The following ELK3 variants were observed in gnomAD, a reference collection of about 807,000 sequenced individuals.
ELK3 encodes ETS transcription factor ELK3, also known as ETS domain-containing protein Elk-3.
Under a neutral mutation model 28.9 loss-of-function variants are expected in ELK3, and 10 were observed. The observed-to-expected ratio is 0.35, with a 90% CI of 0.21 to 0.59. The LOEUF (loss-of-function observed/expected upper bound fraction) is 0.59. Ranked by LOEUF, ELK3 falls within the 20% of genes least tolerant of loss-of-function variation. The probability of loss-of-function intolerance (pLI) is 0.82; values close to 1 mark genes in which losing one functional copy is unlikely to be tolerated. For synonymous variants in ELK3, 272 were observed against 243.5 expected, an observed-to-expected ratio of 1.12 and a Z score of -1.09; for missense variants, 463 against 517.3, an observed-to-expected ratio of 0.90 and a Z score of 1.02.
intron 1 of ELK3, among the ~76,000 whole-genome samples, chr12:96,196,342 G>A (rs1229674575): frequency 6.6e-6 from 1 of 151,968 alleles, no homozygotes; most frequent in Non-Finnish European, 1.5e-5. Flanking sequence ...TTTCCCGCGT[G>A]TGTATGTGTG....
chr12:96,260,262 C>T (rs1163649410), intron 4 of ELK3, among the ~76,000 whole-genome samples: 4 of 151,956 alleles, frequency 2.6e-5, no homozygotes, highest in Admixed American at 2.6e-4. Flanking sequence ...CTGGGCAACA[C>T]AGCAAGACCC....
rs1951862768 is a variant in ELK3 at position 96,247,136 on chromosome 12, A to G, written c.404A>G (p.Asn135Ser). ...GCCGCCCTCAGAAGCACGAGCCGCAACGAATACATCCACTCAGGCCTGTAC... is the reference window on the plus strand; with the variant it reads ...GCCGCCCTCAGAAGCACGAGCCGCAGCGAATACATCCACTCAGGCCTGTAC... The part of the protein sequence containing the change: ...GLAALRSTSR[N>S]EYIHSGLYSS... Residue 135 changes from asparagine (N) to serine (S), a missense_variant, in exon 3 of 5, where the codon AAC becomes AGC. Coordinates refer to ENST00000228741, the MANE Select transcript of ELK3 (RefSeq NM_005230.4). The surrounding 1 kb of genome is among the most constrained non-coding windows in gnomAD (Gnocchi z 5.5). The G allele has an allele frequency of 3.1e-6, 5 of 1,613,912 alleles. No homozygotes were observed. Among genetic ancestry groups the G allele is most frequent in the East Asian group, 2.2e-5 (1 of 44,868 alleles).
At chr12:96,194,954 G>C (rs1329371484) in intron 1 of ELK3, among the ~76,000 whole-genome samples, 1 of 149,462 alleles carries the variant, frequency 6.7e-6, no homozygotes, top group Non-Finnish European at 1.5e-5. Context: ...CGGGCCCGGG[G>C]CTGCGGGGAC....
chr12:96,261,649 A>G (rs1345058964), intron 4 of ELK3, among the ~76,000 whole-genome samples: 5 of 152,118 alleles, frequency 3.3e-5, no homozygotes, highest in Non-Finnish European at 7.4e-5. Context: ...GTGGCCTCTC[A>G]TTTCTCTCCT....
chr12:96,245,242 T>A (rs1265827473), intron 2 of ELK3, among the ~76,000 whole-genome samples: 1 of 152,172 alleles, frequency 6.6e-6, no homozygotes, highest in Non-Finnish European at 1.5e-5. Flanking sequence ...GGCAAACACA[T>A]GTTTTTAGAA....
chr12:96,208,842 G>A (rs1416029617), intron 1 of ELK3, among the ~76,000 whole-genome samples: 1 of 152,216 alleles, frequency 6.6e-6, no homozygotes, highest in Non-Finnish European at 1.5e-5. Context: ...TGCAGATGTT[G>A]GAGGTCCCGG....
intron 1 of ELK3, among the ~76,000 whole-genome samples, chr12:96,206,854 G>T (rs1052005238): frequency 2.6e-5 from 4 of 152,122 alleles, no homozygotes; most frequent in Non-Finnish European, 2.9e-5. Context: ...AGATGCTTTT[G>T]GTGGTCTTTG....
chr12:96,224,592 G>A (rs970531289), intron 2 of ELK3, among the ~76,000 whole-genome samples: 2 of 152,158 alleles, frequency 1.3e-5, no homozygotes, highest in African/African-American at 2.4e-5. Context: ...ATAATATAGC[G>A]TAGTTGCCAA....
chr12:96,210,969 G>A (rs1019401408), intron 1 of ELK3, among the ~76,000 whole-genome samples: 2 of 152,194 alleles, frequency 1.3e-5, no homozygotes, highest in Non-Finnish European at 2.9e-5. Flanking sequence ...GGGCATATGC[G>A]CGTTGATTAA....
In ELK3 at chr12:96,200,335, A is replaced by C. The variant is rs541733484; in HGVS notation, c.-3+5630A>C. 2.1e-3 allele frequency among the ~76,000 whole-genome samples: 316 copies of C among 152,268 alleles called. 3 individuals carry two copies. The highest frequency in any genetic ancestry group is 7.1e-3 in the African/African-American group (297 of 41,554). On this transcript the variant is annotated intron_variant, in intron 1 of 4. Transcript: ENST00000228741. ...ATGAAGCTAGGGCTCCTGTACTCCA[A>C]GCAATAGAGTAAAGAAAACGAGGCT...
intron 4 of ELK3, among the ~76,000 whole-genome samples, chr12:96,266,398 C>T (rs1355159086): frequency 1.3e-5 from 2 of 152,130 alleles, no homozygotes; most frequent in East Asian, 3.9e-4. Context: ...GGGATTGCAA[C>T]TAACATATTT....
chr12:96,200,721 G>T (rs1189611011), intron 1 of ELK3, among the ~76,000 whole-genome samples: 3 of 152,122 alleles, frequency 2.0e-5, no homozygotes, highest in Non-Finnish European at 4.4e-5. Flanking sequence ...GGAGTGCAGT[G>T]GTGCAAGCTT....
chr12:96,259,718 C>T lies in ELK3; in HGVS notation c.1003-13C>T. 1 of 1,606,456 alleles carries T rather than the reference C, an allele frequency of 6.2e-7. No homozygotes were observed. The highest frequency in any genetic ancestry group is 8.5e-7 in the Non-Finnish European group (1 of 1,176,584). On this transcript the variant is annotated splice_polypyrimidine_tract_variant and intron_variant, in intron 3 of 4. Coordinates refer to ENST00000228741, the MANE Select transcript of ELK3 (RefSeq NM_005230.4). ...GAACCTATATGAAGAAGTCTGTTTG[C>T]TTTACTTCCCAGACACCAAATGGAT...
intron 1 of ELK3, among the ~76,000 whole-genome samples, chr12:96,195,090 G>C (rs1951453900): frequency 6.6e-6 from 1 of 152,100 alleles, no homozygotes; most frequent in South Asian, 2.1e-4. Context: ...GGGACGGCGA[G>C]ACTTCGGGTC....
At chr12:96,227,719 TATA>T (rs1423010770) in intron 2 of ELK3, among the ~76,000 whole-genome samples, 2 of 152,172 alleles carry the variant, frequency 1.3e-5, no homozygotes, top group African/African-American at 4.8e-5. Context: ...CCTCTCAGAT[TATA>T]ATAACGAGGT....
chr12:96,217,205 C>T (rs142218987), intron 1 of ELK3, among the ~76,000 whole-genome samples: 16 of 152,324 alleles, frequency 1.1e-4, no homozygotes, highest in Non-Finnish European at 1.0e-4. Flanking sequence ...GAGCCAAGAT[C>T]GTGCCACTGC....
rs142850366 is a variant in ELK3 at position 96,267,105 on chromosome 12, C to T, written c.1149C>T (p.His383=). The T allele has an allele frequency of 2.5e-6, 4 of 1,613,496 alleles. No individual in the cohort carries two copies. The highest frequency in any genetic ancestry group is 3.4e-6 in the Non-Finnish European group (4 of 1,179,766). Residue 383 remains histidine, a synonymous_variant, in exon 5 of 5, where the codon CAC becomes CAT. Transcript: ENST00000228741. ...AGTTCCCCACACTGCTTAATGGCCA[C>T]ATGCCAGTGCCAATCCCCAGTCTGG... The part of the protein sequence containing the change: ...LFQFPTLLNG[H]MPVPIPSLDR...
intron 4 of ELK3, among the ~76,000 whole-genome samples, chr12:96,260,911 TCACTA>T (rs1416292769): frequency 6.6e-6 from 1 of 152,214 alleles, no homozygotes. Context: ...GCAATCTTTC[TCACTA>T]AACTATGGGC....
chr12:96,268,704 A>C lies in ELK3; in HGVS notation c.*1524A>C, dbSNP rs1034729799. The stretch of plus-strand genomic sequence containing the variant: ...AAGTGGCAGGATTATGAGAAAGGAT[A>C]AAAAAAGAGATTTGAGAAAACACAT... On this transcript the variant is annotated 3_prime_UTR_variant, in exon 5 of 5. Transcript: ENST00000228741. 1 of 152,172 alleles carries C rather than the reference A, an allele frequency of 6.6e-6. No homozygotes were observed. The highest frequency in any genetic ancestry group is 2.4e-5 in the African/African-American group (1 of 41,452). 9.4% of individuals were successfully genotyped at this position (152,172 alleles called of 1,614,324 possible).
Sources: allele counts gnomAD v4.1 joint callset (sites outside exome capture counted in the v4.1 genomes callset), GRCh38; gene constraint gnomAD v4.1.1; non-coding constraint Gnocchi (gnomAD v3.1); transcripts MANE v1.5; gene names NCBI Gene and HGNC (gene_info 2026-07-23, HGNC 2026-07-21).